The following LEKR1 variants were observed in gnomAD, a reference collection of about 807,000 sequenced individuals.
LEKR1 encodes the protein protein LEKR1.
Under a neutral mutation model 72.4 loss-of-function variants are expected in LEKR1, and 59 were observed. The observed-to-expected ratio is 0.82, with a 90% CI of 0.66 to 1.01. LEKR1 has a LOEUF of 1.01. Ranked by LOEUF, LEKR1 falls within the 50% of genes least tolerant of loss-of-function variation. The pLI, the probability that LEKR1 is intolerant of heterozygous loss-of-function variation, is 0.00. For synonymous variants in LEKR1, 257 were observed against 263.2 expected (o/e 0.98, Z 0.23); for missense variants, 728 against 759.2 (o/e 0.96, Z 0.48).
intron 3 of LEKR1, among the ~76,000 whole-genome samples, chr3:156,892,854 A>T (rs1014907901): frequency 1.3e-5 from 2 of 152,236 alleles, no homozygotes; most frequent in African/African-American, 4.8e-5. Flanking sequence ...GGAGTGAATT[A>T]TGGCTAAAAT....
intron 3 of LEKR1, among the ~76,000 whole-genome samples, chr3:156,900,162 C>T (rs1413013354): frequency 6.6e-6 from 1 of 152,012 alleles, no homozygotes; most frequent in African/African-American, 2.4e-5. Flanking sequence ...AGCAGCTGCT[C>T]CAGGAGACTG....
intron 4 of LEKR1, among the ~76,000 whole-genome samples, chr3:156,923,501 A>T (rs1053703597): frequency 6.6e-6 from 1 of 152,184 alleles, no homozygotes; most frequent in African/African-American, 2.4e-5. Flanking sequence ...ACTTATCCAT[A>T]CTTTTGTTCC....
intron 7 of LEKR1, among the ~76,000 whole-genome samples, chr3:156,987,022 C>CTATTGTATTGTATTG (rs67063525): frequency 0.017 from 2,149 of 124,422 alleles, 35 homozygotes; most frequent in Middle Eastern, 0.02. Flanking sequence ...AAATAGCTAG[C>CTATTGTATTGTATTG]TATTGTATTG....
chr3:156,962,894 C>T (rs1728247098), intron 6 of LEKR1, among the ~76,000 whole-genome samples: 2 of 152,156 alleles, frequency 1.3e-5, no homozygotes, highest in South Asian at 4.1e-4. Context: ...TAAGGCTAGA[C>T]TTTAGCTCTA....
chr3:156,993,197 C>A lies in LEKR1; in HGVS notation c.1029C>A (p.Asn343Lys), dbSNP rs761084446. The stretch of plus-strand genomic sequence containing the variant: ...AAGAAGACATAAAGAGAAGAATTAA[C>A]CTTGCAGAAAATGAACTGGAGATAA... Reference protein sequence around the residue: ...KQEEDIKRRINLAENELEITK... With the variant: ...KQEEDIKRRIKLAENELEITK... The change falls in exon 9 of 13, where the codon AAC (asparagine) becomes AAA (lysine). Residue 343 changes from asparagine to lysine, a missense_variant. Coordinates refer to ENST00000356539, the MANE Select transcript of LEKR1 (RefSeq NM_001004316.3). 1.9e-6 allele frequency: 3 copies of A among 1,612,180 alleles called. No homozygotes were observed. Among genetic ancestry groups the A allele is most frequent in the Non-Finnish European group, 2.5e-6 (3 of 1,178,842 alleles).
intron 3 of LEKR1, among the ~76,000 whole-genome samples, chr3:156,903,866 G>C (rs944255619): frequency 2.6e-5 from 4 of 152,266 alleles, no homozygotes; most frequent in African/African-American, 9.6e-5. Context: ...ACTCAGTGTT[G>C]GGGAGATGTT....
chr3:156,997,064 TAA>T lies in LEKR1; in HGVS notation c.1109+3802_1109+3803del, dbSNP rs200535143. 5.2e-3 allele frequency among the ~76,000 whole-genome samples: 734 copies of T among 139,960 alleles called. 3 individuals are homozygous for T. Among genetic ancestry groups the T allele is most frequent in the African/African-American group, 0.015 (590 of 38,466 alleles). 91.8% of individuals were successfully genotyped at this position (139,960 alleles called of 152,430 possible). A position where few individuals can be genotyped will look rare whatever the true frequency, so the allele number is the denominator to read the frequency against. On this transcript the variant is annotated intron_variant, in intron 9 of 12. Coordinates refer to ENST00000356539, the MANE Select transcript of LEKR1 (RefSeq NM_001004316.3). The stretch of plus-strand genomic sequence containing the variant: ...TGGGCAACAAGAGCAAAACTTCATT[TAA>T]AAAAAAAAAAAAAAGATATTCTGAA...
intron 7 of LEKR1, among the ~76,000 whole-genome samples, chr3:156,984,687 T>A (rs775112913): frequency 6.6e-6 from 1 of 151,984 alleles, no homozygotes; most frequent in Non-Finnish European, 1.5e-5. Context: ...AAAAAAAATT[T>A]TAAAAAAATG....
At chr3:156,963,249 A>G (rs1027711894) in intron 6 of LEKR1, among the ~76,000 whole-genome samples, 1 of 152,216 alleles carries the variant, frequency 6.6e-6, no homozygotes, top group African/African-American at 2.4e-5. Flanking sequence ...CACGGCTTCT[A>G]TACTAAGCAT....
At position 156,988,934 on chromosome 3, in the gene LEKR1, C is replaced by T. The variant is rs11917329; in HGVS notation, c.828-3719C>T. On this transcript the variant is annotated intron_variant, in intron 7 of 12. Transcript: ENST00000356539. ...GCAACCTCCGCCTCCCGGGTTGACT[C>T]GATTCTCCTGCCTCAGCCTCCCGAG... is the stretch of plus-strand genomic sequence containing the variant. Among the ~76,000 whole-genome samples the T allele has an allele frequency of 1.5e-3, 231 of 151,204 alleles. 1 individual carries two copies. Among genetic ancestry groups the T allele is most frequent in the African/African-American group, 5.3e-3 (220 of 41,206 alleles).
At position 156,899,249 on chromosome 3, in the gene LEKR1, TATAC is replaced by T. The variant is rs553925518; in HGVS notation, c.264-21322_264-21319del. 7.8e-4 allele frequency among the ~76,000 whole-genome samples: 34 copies of T among 43,472 alleles called. No individual in the cohort carries two copies. The East Asian group carries it at 0.011, about 15-fold the overall frequency. 28.5% of individuals were successfully genotyped at this position (43,472 alleles called of 152,430 possible). ...TCCTAGCTCTGTCTATATACATATATATACATATATATATATACACACATGTATA... is the reference window on the plus strand; with the variant it reads ...TCCTAGCTCTGTCTATATACATATATATATATATATATACACACATGTATA... On this transcript the variant is annotated intron_variant, in intron 3 of 12. Coordinates refer to ENST00000356539, the MANE Select transcript of LEKR1 (RefSeq NM_001004316.3).
chr3:156,982,875 A>G (rs1730342722), intron 7 of LEKR1, among the ~76,000 whole-genome samples: 1 of 150,506 alleles, frequency 6.6e-6, no homozygotes, highest in African/African-American at 2.4e-5. Flanking sequence ...AGATAGATAG[A>G]TAGATAGATA....
At chr3:156,974,683 A>G (rs1257672371) in intron 6 of LEKR1, among the ~76,000 whole-genome samples, 3 of 152,096 alleles carry the variant, frequency 2.0e-5, no homozygotes, top group Non-Finnish European at 4.4e-5. Flanking sequence ...AAAACATGCT[A>G]TCATCCTTGA....
intron 3 of LEKR1, among the ~76,000 whole-genome samples, chr3:156,873,393 G>A (rs77873364): frequency 0.029 from 4,471 of 151,898 alleles, 105 homozygotes; most frequent in Non-Finnish European, 0.044. Flanking sequence ...TTTTTAAAGG[G>A]AACATTTACT....
At chr3:156,832,080 CT>C (rs1712487759) in intron 2 of LEKR1, among the ~76,000 whole-genome samples, 1 of 152,154 alleles carries the variant, frequency 6.6e-6, no homozygotes, top group Admixed American at 6.5e-5. Flanking sequence ...GTGAAACTGT[CT>C]TGTAATTGTT....
intron 3 of LEKR1, among the ~76,000 whole-genome samples, chr3:156,913,905 AAAAT>A (rs1348907958): frequency 6.6e-6 from 1 of 152,012 alleles, no homozygotes; most frequent in Non-Finnish European, 1.5e-5. Context: ...AGAAAATGAT[AAAAT>A]AAATACTCAT....
At chr3:157,039,364 T>C (rs897169372) in intron 12 of LEKR1, among the ~76,000 whole-genome samples, 6 of 152,242 alleles carry the variant, frequency 3.9e-5, no homozygotes, top group African/African-American at 1.4e-4. Context: ...CTCACGCCTA[T>C]AACCCAGCAT....
chr3:156,881,986 A>G (rs1239299944), intron 3 of LEKR1, among the ~76,000 whole-genome samples: 10 of 140,284 alleles, frequency 7.1e-5, no homozygotes, highest in African/African-American at 2.1e-4. Flanking sequence ...CTTACACCTT[A>G]TACAAAAATC....
chr3:156,913,025 C>T (rs938855151), intron 3 of LEKR1, among the ~76,000 whole-genome samples: 14 of 152,118 alleles, frequency 9.2e-5, no homozygotes, highest in South Asian at 2.1e-4. Flanking sequence ...TATTAAGGTC[C>T]TGCATTGCTT....
Sources: allele counts gnomAD v4.1 joint callset (sites outside exome capture counted in the v4.1 genomes callset), GRCh38; gene constraint gnomAD v4.1.1; transcripts MANE v1.5; gene names NCBI Gene and HGNC (gene_info 2026-07-23, HGNC 2026-07-21).